GPC6: variants seen among roughly 807,000 people sequenced by gnomAD.
GPC6 encodes glypican 6.
GPC6 carries 14 observed loss-of-function variants against 55.2 expected under a neutral mutation model. That is an observed-to-expected ratio of 0.25 (90% CI 0.17 to 0.40). The LOEUF (loss-of-function observed/expected upper bound fraction) is 0.40, where lower values mean the gene tolerates loss of function less well. GPC6 is among the 10% of genes least tolerant of loss of function. GPC6 has a pLI of 1.00. For synonymous variants in GPC6, 278 were observed against 259.6 expected (o/e 1.07, Z -0.68); for missense variants, 641 against 708.5 (o/e 0.90, Z 1.08).
At chr13:93,804,450 A>C (rs1886478499) in intron 2 of GPC6, among the ~76,000 whole-genome samples, 1 of 152,186 alleles carries the variant, frequency 6.6e-6, no homozygotes, top group African/African-American at 2.4e-5. Context: ...AGATCCAGAC[A>C]AGTTTGCGTA....
chr13:93,558,161 G>A (rs997209310), intron 2 of GPC6, among the ~76,000 whole-genome samples: 2 of 152,140 alleles, frequency 1.3e-5, no homozygotes, highest in Non-Finnish European at 2.9e-5. Context: ...TTTTTCATTT[G>A]TAAAATAAGT....
intron 2 of GPC6, among the ~76,000 whole-genome samples, chr13:93,590,722 A>T (rs1222557074): frequency 2.0e-5 from 3 of 152,212 alleles, no homozygotes; most frequent in African/African-American, 7.2e-5. Flanking sequence ...AAGTCATAAA[A>T]GTTACCAGGA....
At chr13:93,974,873 C>T (rs905602226) in intron 3 of GPC6, among the ~76,000 whole-genome samples, 1 of 152,070 alleles carries the variant, frequency 6.6e-6, no homozygotes, top group African/African-American at 2.4e-5. Context: ...GTGATGTAGG[C>T]ACTGCTTTTA....
intron 3 of GPC6, among the ~76,000 whole-genome samples, chr13:93,884,908 A>G (rs1875229846): frequency 6.6e-6 from 1 of 152,060 alleles, no homozygotes; most frequent in African/African-American, 2.4e-5. Context: ...AAATTCTAGA[A>G]TATTTTGCTG....
At chr13:93,736,656 C>A (rs1463405320) in intron 2 of GPC6, among the ~76,000 whole-genome samples, 1 of 152,056 alleles carries the variant, frequency 6.6e-6, no homozygotes, top group Non-Finnish European at 1.5e-5. Flanking sequence ...CTTAAATAAA[C>A]ATAGCCTTAT....
At chr13:93,997,444 G>A (rs1018382454) in intron 3 of GPC6, among the ~76,000 whole-genome samples, 30 of 152,144 alleles carry the variant, frequency 2.0e-4, no homozygotes, top group African/African-American at 6.8e-4. Flanking sequence ...GACTTGGTCA[G>A]GGGAAACTGA....
At chr13:93,671,898 T>G (rs1881374427) in intron 2 of GPC6, among the ~76,000 whole-genome samples, 1 of 152,078 alleles carries the variant, frequency 6.6e-6, no homozygotes, top group African/African-American at 2.4e-5. Flanking sequence ...CATGGCATGC[T>G]TTTCAGGCCA....
At chr13:93,429,506 C>T (rs1877276287) in intron 1 of GPC6, among the ~76,000 whole-genome samples, 1 of 152,078 alleles carries the variant, frequency 6.6e-6, no homozygotes, top group Non-Finnish European at 1.5e-5. Flanking sequence ...TGATAATTGC[C>T]TCTGTCTTTC....
the GPC6 span, among the ~76,000 whole-genome samples, chr13:93,221,034 C>T: frequency 6.6e-6 from 1 of 152,064 alleles, no homozygotes; most frequent in African/African-American, 2.4e-5. Flanking sequence ...AGGTGCACCC[C>T]ACCACACCCA....
chr13:94,225,323 G>T (rs1017593639), intron 4 of GPC6, among the ~76,000 whole-genome samples: 2 of 152,072 alleles, frequency 1.3e-5, no homozygotes, highest in African/African-American at 4.8e-5. Context: ...CCCCAAAAAT[G>T]TTTTGTGAAA....
At chr13:93,365,171 G>A (rs566691209) in intron 1 of GPC6, among the ~76,000 whole-genome samples, 28 of 152,162 alleles carry the variant, frequency 1.8e-4, no homozygotes, top group Non-Finnish European at 4.0e-4. Context: ...ACAGTAAACT[G>A]CAAGTTTATC....
At chr13:93,349,715 T>G (rs1328847380) in intron 1 of GPC6, among the ~76,000 whole-genome samples, 1 of 152,228 alleles carries the variant, frequency 6.6e-6, no homozygotes, top group African/African-American at 2.4e-5. Flanking sequence ...GAGTGAGTTT[T>G]GGCTTTCTTT....
At chr13:94,193,875 T>C (rs1188751567) in intron 4 of GPC6, among the ~76,000 whole-genome samples, 1 of 152,240 alleles carries the variant, frequency 6.6e-6, no homozygotes, top group Non-Finnish European at 1.5e-5. Context: ...TTTGGCGGAA[T>C]TCTAGATGTG....
intron 3 of GPC6, among the ~76,000 whole-genome samples, chr13:93,859,758 C>G (rs1201602977): frequency 6.6e-6 from 1 of 151,728 alleles, no homozygotes; most frequent in Non-Finnish European, 1.5e-5. Context: ...TAGAAGGCAT[C>G]TATAGAGTTC....
intron 1 of GPC6, among the ~76,000 whole-genome samples, chr13:93,235,289 G>A (rs1876196427): frequency 6.6e-6 from 1 of 152,128 alleles, no homozygotes; most frequent in South Asian, 2.1e-4. Context: ...GCAAAATAGG[G>A]TGTGCAGAGG....
At chr13:94,197,819 G>A (rs1219484632) in intron 4 of GPC6, among the ~76,000 whole-genome samples, 2 of 152,012 alleles carry the variant, frequency 1.3e-5, no homozygotes, top group Non-Finnish European at 2.9e-5. Context: ...TATACATTTA[G>A]CATCAAAATA....
At chr13:93,241,161 C>T (rs1039554042) in intron 1 of GPC6, among the ~76,000 whole-genome samples, 2 of 152,156 alleles carry the variant, frequency 1.3e-5, no homozygotes, top group South Asian at 2.1e-4. Context: ...CTTTGAGACT[C>T]TTGTGTCTGG....
intron 2 of GPC6, among the ~76,000 whole-genome samples, chr13:93,656,743 C>T (rs1176220717): frequency 1.3e-5 from 2 of 151,960 alleles, no homozygotes; most frequent in Non-Finnish European, 2.9e-5. Flanking sequence ...ATTTAATTTA[C>T]ATTTCTAAAA....
chr13:93,231,751 A>T (rs984304407), intron 1 of GPC6, among the ~76,000 whole-genome samples: 23 of 152,054 alleles, frequency 1.5e-4, no homozygotes, highest in Non-Finnish European at 3.1e-4. Flanking sequence ...AAAGTTATTC[A>T]TGGGGCTAGA....
Sources: gnomAD v4.1 joint callset for allele counts (sites outside exome capture counted in the v4.1 genomes callset) on GRCh38, gnomAD v4.1.1 for gene constraint, MANE v1.5 for transcripts, NCBI Gene and HGNC (gene_info 2026-07-23, HGNC 2026-07-21) for gene names.